The following FAM200A variants were observed in gnomAD, a reference collection of about 807,000 sequenced individuals.
The protein encoded by FAM200A is protein FAM200A.
Under a neutral mutation model 44.2 loss-of-function variants are expected in FAM200A, and 26 were observed. The ratio of observed to expected loss-of-function variants is 0.59; its 90% confidence interval spans 0.43 to 0.82. FAM200A has a LOEUF of 0.82. Among genes scored for constraint, FAM200A ranks in the 40% least tolerant of loss-of-function variants. The pLI is 0.00. For synonymous variants in FAM200A, 206 were observed against 244.4 expected, an observed-to-expected ratio of 0.84 and a Z score of 1.47; for missense variants, 606 against 669.5, an observed-to-expected ratio of 0.91 and a Z score of 1.05.
At chr7:99,549,182 A>ATTTTTTTTTTTTTTTTTTTCT (rs1443044531) in intron 1 of FAM200A, among the ~76,000 whole-genome samples, 1 of 138,090 alleles carries the variant, frequency 7.2e-6, no homozygotes, top group Non-Finnish European at 1.5e-5. Context: ...TTTCTTAAAA[A>ATTTTTTTTTTTTTTTTTTTCT]TAAGAAATTA....
At chr7:99,548,913 C>T (rs113489769) in intron 1 of FAM200A, among the ~76,000 whole-genome samples, 1 of 125,146 alleles carries the variant, frequency 8.0e-6, no homozygotes, top group African/African-American at 3.1e-5. Flanking sequence ...GAGTTTCGCT[C>T]TTGTTGCCCA....
chr7:99,553,084 T>TACACACAC (rs1802586925), upstream of FAM200A, among the ~76,000 whole-genome samples: 1 of 97,008 alleles, frequency 1.0e-5, no homozygotes, highest in Non-Finnish European at 1.8e-5. Context: ...TATATATATA[T>TACACACAC]ATATATATAT....
chr7:99,556,985 G>A, upstream of FAM200A, among the ~76,000 whole-genome samples: 1 of 152,184 alleles, frequency 6.6e-6, no homozygotes, highest in African/African-American at 2.4e-5. Context: ...GCAGTGAGCT[G>A]AGATCGCGCC....
rs548150545 is a variant in FAM200A at position 99,551,911 on chromosome 7, G to A, written c.-157C>T. On this transcript the variant is annotated 5_prime_UTR_variant, in exon 1 of 2. Transcript: ENST00000449309. Reference sequence around the variant, plus strand: ...CGCTTGCCACCGCCGAGGCTGGCGCGAGGAACGGGGGCACGGACCCGCTTC... The same window carrying A: ...CGCTTGCCACCGCCGAGGCTGGCGCAAGGAACGGGGGCACGGACCCGCTTC... 28 of 985,554 alleles carry A rather than the reference G, an allele frequency of 2.8e-5. No individual in the cohort carries two copies. The East Asian group carries it at 2.5e-3, about 88-fold the overall frequency. 61.1% of individuals were successfully genotyped at this position (985,554 alleles called of 1,614,324 possible). A position where few individuals can be genotyped will look rare whatever the true frequency, so the allele number is the denominator to read the frequency against.
In FAM200A at chr7:99,548,278, CTACTT is replaced by C; in HGVS notation, c.125_129del (p.Lys42ArgfsTer15). 1 of 1,614,164 alleles carries C rather than the reference CTACTT, an allele frequency of 6.2e-7. No homozygotes were observed. The highest frequency in any genetic ancestry group is 8.5e-7 in the Non-Finnish European group (1 of 1,180,002). On this transcript the variant is annotated frameshift_variant, in exon 2 of 2. Coordinates refer to ENST00000449309, the MANE Select transcript of FAM200A (RefSeq NM_145111.4). LOFTEE classifies it high-confidence loss of function. ...CGACTGAGAACTTGTGGCGATGACT[CTACTT>C]TGTTTCTTTCCTTTTGAAAATGGTC...
In FAM200A at chr7:99,546,682, G is replaced by T. The variant is rs868149918; in HGVS notation, c.*4C>A. The T allele has an allele frequency of 1.3e-6, 2 of 1,504,594 alleles. No homozygotes were observed. Among genetic ancestry groups the T allele is most frequent in the Middle Eastern group, 1.7e-4 (1 of 5,748 alleles). 93.2% of individuals were successfully genotyped at this position (1,504,594 alleles called of 1,614,324 possible). Reference sequence around the variant, plus strand: ...CTATACACAGAATTTTGTAAAGTTTGTATTTAATGTGATGGGTGTGCTTGT... The same window carrying T: ...CTATACACAGAATTTTGTAAAGTTTTTATTTAATGTGATGGGTGTGCTTGT... On this transcript the variant is annotated 3_prime_UTR_variant, in exon 2 of 2. Transcript: ENST00000449309.
upstream of FAM200A, among the ~76,000 whole-genome samples, chr7:99,555,723 A>T (rs1398130166): frequency 6.6e-6 from 1 of 152,166 alleles, no homozygotes; most frequent in East Asian, 1.9e-4. Context: ...AGCCTGGCTA[A>T]CATGGTGAAA....
At position 99,546,756 on chromosome 7, in the gene FAM200A, C is replaced by T. The variant is rs748186224; in HGVS notation, c.1652G>A (p.Arg551Gln). The T allele has an allele frequency of 1.4e-5, 21 of 1,550,424 alleles. No homozygotes were observed. Among genetic ancestry groups the T allele is most frequent in the East Asian group, 2.4e-5 (1 of 40,908 alleles). ...AGGAACACATGAAGATAATGCTACC[C>T]GCATATCTGGTGCACTATTGAGCCT... ...RNRLNSAPDMRVALSSCVPDW... is the reference protein window; with the variant it reads ...RNRLNSAPDMQVALSSCVPDW... The change falls in exon 2 of 2, where the codon CGG becomes CAG. Residue 551 changes from arginine to glutamine, a missense_variant. Arg to Gln is a conservative substitution (Grantham distance 43, BLOSUM62 1). Coordinates refer to ENST00000449309, the MANE Select transcript of FAM200A (RefSeq NM_145111.4).
At chr7:99,553,229 T>A (rs944680223), upstream of FAM200A, among the ~76,000 whole-genome samples, 1 of 151,118 alleles carries the variant, frequency 6.6e-6, no homozygotes, top group South Asian at 2.1e-4. Context: ...TCCAGATACA[T>A]CCTCATATTT....
At position 99,548,224 on chromosome 7, in the gene FAM200A, A is replaced by G; in HGVS notation, c.184T>C (p.Leu62=). 1 of 1,601,104 alleles carries G rather than the reference A, an allele frequency of 6.2e-7. No homozygotes were observed. Among genetic ancestry groups the G allele is most frequent in the Non-Finnish European group, 8.5e-7 (1 of 1,173,002 alleles). ...CTATATGCAACTAAATACGATGACA[A>G]TAAGGCTCTCTCATTCATAGTTGTA... ...RSTTMNERAL[L]SSYLVAYRVA... The change falls in exon 2 of 2, where the codon TTG becomes CTG. Residue 62 remains leucine (L), a synonymous_variant. Transcript: ENST00000449309.
chr7:99,546,494 A>G lies in FAM200A; in HGVS notation c.*192T>C. On this transcript the variant is annotated 3_prime_UTR_variant, in exon 2 of 2. Coordinates refer to ENST00000449309, the MANE Select transcript of FAM200A (RefSeq NM_145111.4). ...AGAGATTCTCCTGCCTCAGGCACCC[A>G]AGTAACTGGGACTGCAGGCATGTGC... 2.2e-6 allele frequency: 1 copy of G among 461,756 alleles called. No individual in the cohort carries two copies. The allele number at this position is 461,756 out of a possible 1,614,324, so 28.6% of individuals were successfully genotyped here.
chr7:99,553,006 C>CACAT (rs1405393432), upstream of FAM200A, among the ~76,000 whole-genome samples: 1 of 137,330 alleles, frequency 7.3e-6, no homozygotes, highest in African/African-American at 2.9e-5. Context: ...TATACACACA[C>CACAT]ATATATATAC....
In FAM200A at chr7:99,547,963, C is replaced by T. The variant is rs1390134645; in HGVS notation, c.445G>A (p.Asp149Asn). 6.4e-7 allele frequency: 1 copy of T among 1,551,282 alleles called. No homozygotes were observed. The highest frequency in any genetic ancestry group is 8.7e-7 in the Non-Finnish European group (1 of 1,147,000). The part of the protein sequence containing the change: ...DFAIQLDEST[D>N]IASCPTLLVY... ...AAGAGTGTGGGACAACTTGCAATATCAGTGCTCTCATCGAGTTGGATTGCA... is the reference window on the plus strand; with the variant it reads ...AAGAGTGTGGGACAACTTGCAATATTAGTGCTCTCATCGAGTTGGATTGCA... The change falls in exon 2 of 2, where the codon GAT becomes AAT. Residue 149 changes from aspartate to asparagine, a missense_variant. By Grantham distance (23) the Asp-to-Asn change is conservative. Transcript: ENST00000449309.
upstream of FAM200A, among the ~76,000 whole-genome samples, chr7:99,554,868 A>G (rs1802647519): frequency 6.6e-6 from 1 of 152,208 alleles, no homozygotes; most frequent in Non-Finnish European, 1.5e-5. Context: ...AGTTAGTTGT[A>G]GGGAACTTTT....
upstream of FAM200A, among the ~76,000 whole-genome samples, chr7:99,553,097 ATATTTTT>A (rs1190314763): frequency 9.0e-3 from 702 of 77,960 alleles, 5 homozygotes; most frequent in African/African-American, 0.055. Context: ...ATATATATAT[ATATTTTT>A]TTTTTTTTTT....
At position 99,546,756 on chromosome 7, in the gene FAM200A, C is replaced by G; in HGVS notation, c.1652G>C (p.Arg551Pro). ...RNRLNSAPDM[R>P]VALSSCVPDW... ...AGGAACACATGAAGATAATGCTACC[C>G]GCATATCTGGTGCACTATTGAGCCT... Residue 551 changes from arginine to proline, a missense_variant, in exon 2 of 2, where the codon CGG becomes CCG. Coordinates refer to ENST00000449309, the MANE Select transcript of FAM200A (RefSeq NM_145111.4). The G allele has an allele frequency of 6.4e-7, 1 of 1,550,424 alleles. No individual in the cohort carries two copies. The highest frequency in any genetic ancestry group is 8.7e-7 in the Non-Finnish European group (1 of 1,146,680).
upstream of FAM200A, among the ~76,000 whole-genome samples, chr7:99,554,867 T>C (rs1277989021): frequency 1.3e-5 from 2 of 152,200 alleles, no homozygotes; most frequent in Non-Finnish European, 2.9e-5. Flanking sequence ...CAGTTAGTTG[T>C]AGGGAACTTT....
At chr7:99,557,696 T>C (rs1235460018) in intron 1 of FAM200A, among the ~76,000 whole-genome samples, 3 of 152,182 alleles carry the variant, frequency 2.0e-5, no homozygotes, top group African/African-American at 4.8e-5. Flanking sequence ...GAAAGGAATA[T>C]CAGAATCTCC....
In FAM200A at chr7:99,547,630, C is replaced by T; in HGVS notation, c.778G>A (p.Val260Ile). The T allele has an allele frequency of 1.3e-6, 2 of 1,551,260 alleles. No individual in the cohort carries two copies. Among genetic ancestry groups the T allele is most frequent in the East Asian group, 2.4e-5 (1 of 40,908 alleles). Residue 260 changes from valine to isoleucine, a missense_variant, in exon 2 of 2, where the codon GTA becomes ATA. Val to Ile is a conservative substitution (Grantham distance 29). Transcript: ENST00000449309. ...ACAGTTTTCACTGCATTTTTCAATACATCCATCAGACTTGGTGAAATTTCT... is the reference window on the plus strand; with the variant it reads ...ACAGTTTTCACTGCATTTTTCAATATATCCATCAGACTTGGTGAAATTTCT... ...SKEISPSLMD[V>I]LKNAVKTVNF...
Sources: allele counts gnomAD v4.1 joint callset (sites outside exome capture counted in the v4.1 genomes callset), GRCh38; gene constraint gnomAD v4.1.1; transcripts MANE v1.5; gene names NCBI Gene and HGNC (gene_info 2026-07-23, HGNC 2026-07-21).